ALS2CL: variants seen among roughly 807,000 people sequenced by gnomAD.
ALS2CL encodes ALS2 C-terminal like.
ALS2CL carries 112 observed loss-of-function variants against 127.9 expected under a neutral mutation model. That is an observed-to-expected ratio of 0.88 (90% CI 0.75 to 1.02). The LOEUF (loss-of-function observed/expected upper bound fraction) is 1.02. Ranked by LOEUF, ALS2CL falls within the 50% of genes least tolerant of loss-of-function variation. The probability of loss-of-function intolerance (pLI) is 0.00; values close to 1 mark genes in which losing one functional copy is unlikely to be tolerated. For synonymous variants in ALS2CL, 519 were observed against 527.6 expected (o/e 0.98, Z 0.22); for missense variants, 1,174 against 1,236.7 (o/e 0.95, Z 0.76).
chr3:46,686,949 G>A lies in ALS2CL; in HGVS notation c.534+34C>T, dbSNP rs773726166. 3.8e-5 allele frequency: 58 copies of A among 1,535,802 alleles called. No homozygotes were observed. Among genetic ancestry groups the A allele is most frequent in the Non-Finnish European group, 4.5e-5 (51 of 1,145,176 alleles). On this transcript the variant is annotated intron_variant, in intron 5 of 25. Transcript: ENST00000318962. The surrounding 1 kb of genome is among the most constrained non-coding windows in gnomAD (Gnocchi z 4.3). Reference sequence around the variant, plus strand: ...CTGGGCCCTATCCCTCCCTTCCCTCGGCTTCCCCACATGCTGCTGCCCCTG... The same window carrying A: ...CTGGGCCCTATCCCTCCCTTCCCTCAGCTTCCCCACATGCTGCTGCCCCTG...
intron 14 of ALS2CL, chr3:46,679,828 G>A (rs6442019): frequency 0.72 from 110,894 of 154,366 alleles, 40,170 homozygotes; most frequent in African/African-American, 0.81. Flanking sequence ...CATAATAACA[G>A]GAACAGCCAT....
chr3:46,679,704 G>A lies in ALS2CL; in HGVS notation c.1549-417C>T, dbSNP rs188084850. On this transcript the variant is annotated intron_variant, in intron 14 of 25. Transcript: ENST00000318962. ...GCCGAAAGGGTTACAATTAGTGTTC[G>A]GCTTATTTCCAAATCTATTTTGTGT... 3.9e-4 allele frequency: 61 copies of A among 157,722 alleles called. 1 individual carries two copies. The East Asian group carries it at 5.8e-3, about 15-fold the overall frequency. 9.8% of individuals were successfully genotyped at this position (157,722 alleles called of 1,614,324 possible). A position where few individuals can be genotyped will look rare whatever the true frequency, so the allele number is the denominator to read the frequency against.
At chr3:46,691,308 G>C (rs1700138787) in intron 1 of ALS2CL, among the ~76,000 whole-genome samples, 1 of 152,154 alleles carries the variant, frequency 6.6e-6, no homozygotes, top group South Asian at 2.1e-4. Context: ...AAGCCTGGTT[G>C]GGAAGGTAGA....
rs750523340 is a variant in ALS2CL, at chr3:46,681,144, A to G, written c.1436+102T>C. On this transcript the variant is annotated intron_variant, in intron 13 of 25. Coordinates refer to ENST00000318962, the MANE Select transcript of ALS2CL (RefSeq NM_147129.5). The surrounding 1 kb of genome is among the most constrained non-coding windows in gnomAD (Gnocchi z 4.9). Reference sequence around the variant, plus strand: ...AGGGGAAGTGAGGGGCTTAAGAGAGACACAGTGGGGGACAAACAGGAGCCT... The same window carrying G: ...AGGGGAAGTGAGGGGCTTAAGAGAGGCACAGTGGGGGACAAACAGGAGCCT... The G allele has an allele frequency of 6.4e-7, 1 of 1,551,596 alleles. No individual in the cohort carries two copies. Among genetic ancestry groups the G allele is most frequent in the Non-Finnish European group, 8.9e-7 (1 of 1,126,590 alleles).
chr3:46,680,509 C>T lies in ALS2CL; in HGVS notation c.1469G>A (p.Gly490Asp), dbSNP rs772362972. The T allele has an allele frequency of 6.2e-7, 1 of 1,613,070 alleles. No homozygotes were observed. The highest frequency in any genetic ancestry group is 1.1e-5 in the South Asian group (1 of 91,084). Residue 490 changes from glycine to aspartate, a missense_variant, in exon 14 of 26, where the codon GGT becomes GAT. Physicochemically the swap from Gly to Asp is moderately conservative, Grantham distance 94. Coordinates refer to ENST00000318962, the MANE Select transcript of ALS2CL (RefSeq NM_147129.5). ...GERYIGMWQA[G>D]QRHGPGVMVT... ...CATGACCCCTGGGCCGTGGCGCTGA[C>T]CAGCCTGCCACATGCCAATGTAGCG... is the stretch of plus-strand genomic sequence containing the variant.
intron 22 of ALS2CL, among the ~76,000 whole-genome samples, chr3:46,672,984 C>G (rs1246830565): frequency 6.6e-6 from 1 of 151,976 alleles, no homozygotes; most frequent in African/African-American, 2.4e-5. Flanking sequence ...CTAACCCGGG[C>G]GATAAAGTGA....
chr3:46,671,837 GTGGGACCC>G (rs1043810942), intron 24 of ALS2CL, 39 bp downstream of exon 24: 1 of 1,607,852 alleles, frequency 6.2e-7, no homozygotes, highest in African/African-American at 1.3e-5. Context: ...GTGGTTGGGG[GTGGGACCC>G]TGCCCCTGCC....
chr3:46,688,366 C>T (rs1045697686), intron 2 of ALS2CL, 70 bp from the exon 3 acceptor site: 5 of 1,468,340 alleles, frequency 3.4e-6, no homozygotes, highest in South Asian at 1.2e-5. Flanking sequence ...CATGCACAGG[C>T]CCCAGGTGTT....
At chr3:46,682,209 C>T in intron 10 of ALS2CL, 115 bp from the exon 11 acceptor site, 1 of 1,083,858 alleles carries the variant, frequency 9.2e-7, no homozygotes, top group Non-Finnish European at 1.4e-6. Context: ...CTCCCTGCAC[C>T]CACCCAGCCC....
At chr3:46,691,173 G>T (rs568311116) in intron 1 of ALS2CL, among the ~76,000 whole-genome samples, 2 of 152,202 alleles carry the variant, frequency 1.3e-5, no homozygotes, top group African/African-American at 4.8e-5. Context: ...TAGGGGTGCA[G>T]CCAGGCCCAC....
In ALS2CL at chr3:46,671,886, G is replaced by C; in HGVS notation, c.2682C>G (p.Ala894=). ...LPLLIYVVSR[A]RIQHLGAEIH... is the part of the protein sequence containing the mutation. ...CCCCCAGCTCCTGACTGCCTCACCG[G>C]GCGCGCGACACCACGTAGATGAGAA... is the stretch of plus-strand genomic sequence containing the variant. The change falls in exon 24 of 26, where the codon GCC becomes GCG. Residue 894 remains alanine, a splice_region_variant and synonymous_variant. Coordinates refer to ENST00000318962, the MANE Select transcript of ALS2CL (RefSeq NM_147129.5). 1 of 1,613,552 alleles carries C rather than the reference G, an allele frequency of 6.2e-7. No individual in the cohort carries two copies. The highest frequency in any genetic ancestry group is 8.5e-7 in the Non-Finnish European group (1 of 1,179,942).
intron 16 of ALS2CL, 147 bp from the exon 17 acceptor site, chr3:46,677,169 A>AG: frequency 6.9e-7 from 1 of 1,446,106 alleles, no homozygotes; most frequent in Non-Finnish European, 9.0e-7. Context: ...AACCATGCAG[A>AG]GGGGGCTGAC....
At chr3:46,683,645 A>T in intron 9 of ALS2CL, 137 bp downstream of exon 9, 2 of 1,116,722 alleles carry the variant, frequency 1.8e-6, no homozygotes, top group Non-Finnish European at 2.7e-6. Flanking sequence ...ACCCCGATTT[A>T]CTCTGACCAG....
In ALS2CL at chr3:46,681,968, G is replaced by C; in HGVS notation, c.1175+61C>G. On this transcript the variant is annotated intron_variant, in intron 11 of 25. Coordinates refer to ENST00000318962, the MANE Select transcript of ALS2CL (RefSeq NM_147129.5). The surrounding 1 kb of genome is among the most constrained non-coding windows in gnomAD (Gnocchi z 4.9). ...GGGGCCGGGCTGGTGACCACAGCAG[G>C]GGAGGAAAGCACCCTTCAGCCCACT... is the stretch of plus-strand genomic sequence containing the variant. The C allele has an allele frequency of 6.3e-7, 1 of 1,575,580 alleles. No individual in the cohort carries two copies. Among genetic ancestry groups the C allele is most frequent in the Non-Finnish European group, 8.7e-7 (1 of 1,151,940 alleles).
Position 46,683,208 on chromosome 3 carries a change from T to G in ALS2CL, c.1031A>C (p.Glu344Ala). Residue 344 changes from glutamate to alanine, a missense_variant, in exon 10 of 26, where the codon GAA (glutamate) becomes GCA (alanine). Transcript: ENST00000318962. ...PSQPPDCRCA[E>A]YTFQAEGRLC... ...CCGGCCCTCTGCCTGGAAGGTATAT[T>G]CTGCGCAGCGGCAGTCGGGAGGCTG... 6.2e-7 allele frequency: 1 copy of G among 1,610,238 alleles called. No homozygotes were observed. The highest frequency in any genetic ancestry group is 2.2e-5 in the East Asian group (1 of 44,728).
At chr3:46,672,289 G>T in intron 22 of ALS2CL, 88 bp from the exon 23 acceptor site, 1 of 1,495,078 alleles carries the variant, frequency 6.7e-7, no homozygotes, top group Non-Finnish European at 9.1e-7. Flanking sequence ...TGAGTCCCCC[G>T]CCACCCTTCC....
chr3:46,682,474 A>G (rs1699430544), intron 10 of ALS2CL, among the ~76,000 whole-genome samples: 5 of 152,302 alleles, frequency 3.3e-5, no homozygotes, highest in Admixed American at 3.3e-4. Context: ...CCTTTTGTTC[A>G]TAAGTCTTCT....
chr3:46,675,305 C>A, intron 20 of ALS2CL: 1 of 348,430 alleles, frequency 2.9e-6, no homozygotes, highest in African/African-American at 2.1e-5. Context: ...CTCGGTTTCC[C>A]CATCTGTGTG....
At chr3:46,671,277 G>A (rs532849213) in intron 25 of ALS2CL, among the ~76,000 whole-genome samples, 1 of 152,290 alleles carries the variant, frequency 6.6e-6, no homozygotes, top group Admixed American at 6.5e-5. Context: ...TGGCCCCAGG[G>A]TCCCCAGGGC....
Sources: allele counts gnomAD v4.1 joint callset (sites outside exome capture counted in the v4.1 genomes callset), GRCh38; gene constraint gnomAD v4.1.1; non-coding constraint Gnocchi (gnomAD v3.1); transcripts MANE v1.5; gene names NCBI Gene and HGNC (gene_info 2026-07-23, HGNC 2026-07-21).